NAPG: variants seen among roughly 807,000 people sequenced by gnomAD.
NAPG encodes gamma-soluble NSF attachment protein.
In NAPG, 25 loss-of-function variants were observed where a neutral mutation model predicts 48.4. The ratio of observed to expected loss-of-function variants is 0.52; its 90% confidence interval spans 0.38 to 0.72. The LOEUF (loss-of-function observed/expected upper bound fraction) is 0.72. NAPG is among the 30% of genes least tolerant of loss of function. NAPG has a pLI of 0.00. For missense variants in NAPG, 359 were observed against 372.5 expected, an observed-to-expected ratio of 0.96 and a Z score of 0.30; for synonymous variants, 139 against 127.2, an observed-to-expected ratio of 1.09 and a Z score of -0.62.
chr18:10,536,162 A>G (rs977129645), intron 5 of NAPG, among the ~76,000 whole-genome samples: 1 of 152,230 alleles, frequency 6.6e-6, no homozygotes, highest in Non-Finnish European at 1.5e-5. Context: ...TTGCTCAAGT[A>G]TCTATTTAAT....
At position 10,548,154 on chromosome 18, in the gene NAPG, C is replaced by T. The variant is rs2032306995; in HGVS notation, c.586-145C>T. On this transcript the variant is annotated intron_variant, in intron 9 of 11. Transcript: ENST00000322897. The surrounding 1 kb of genome is among the most constrained non-coding windows in gnomAD (Gnocchi z 4.4). ...CTAGGATATTTCCCCTCAGGTGTCC[C>T]GTGGAAGTTACTATAGCATTTATAA... 7 of 611,440 alleles carry T rather than the reference C, an allele frequency of 1.1e-5. No individual in the cohort carries two copies. The highest frequency in any genetic ancestry group is 2.1e-5 in the South Asian group (1 of 48,638). The allele number at this position is 611,440 out of a possible 1,614,324, so 37.9% of individuals were successfully genotyped here.
intron 2 of NAPG, among the ~76,000 whole-genome samples, 180 bp from the exon 3 acceptor site, chr18:10,532,531 A>G (rs1266010706): frequency 6.6e-6 from 1 of 152,228 alleles, no homozygotes; most frequent in Non-Finnish European, 1.5e-5. Context: ...TAAGTTACCA[A>G]TAATTGGAAA....
chr18:10,540,221 G>A (rs1378822034), intron 7 of NAPG, 108 bp from the exon 8 acceptor site: 32 of 1,093,526 alleles, frequency 2.9e-5, no homozygotes, highest in Non-Finnish European at 3.9e-5. Flanking sequence ...CAGCTTTCGT[G>A]TTCCCCCCTT....
intron 5 of NAPG, among the ~76,000 whole-genome samples, chr18:10,538,356 C>T (rs771519088): frequency 3.3e-5 from 5 of 152,150 alleles, no homozygotes; most frequent in Admixed American, 1.3e-4. Context: ...TGTTGCCATA[C>T]AGGGATGCAA....
Position 10,539,792 on chromosome 18 carries a change from C to T in NAPG, c.289C>T (p.Leu97=), listed in dbSNP as rs1241172209. The part of the protein sequence containing the change: ...EMQKLPEAVQ[L]IEKASMMYLE... Reference sequence around the variant, plus strand: ...GCAGAAACTACCAGAGGCCGTTCAGCTAATTGAGAAGGCCAGCATGATGTA... The same window carrying T: ...GCAGAAACTACCAGAGGCCGTTCAGTTAATTGAGAAGGCCAGCATGATGTA... Residue 97 remains leucine (L), a synonymous_variant, in exon 6 of 12, where the codon CTA becomes TTA. Transcript: ENST00000322897. The surrounding 1 kb of genome is among the most constrained non-coding windows in gnomAD (Gnocchi z 4.7). 1.9e-6 allele frequency: 3 copies of T among 1,613,986 alleles called. No individual in the cohort carries two copies. The highest frequency in any genetic ancestry group is 2.5e-6 in the Non-Finnish European group (3 of 1,179,874).
At chr18:10,545,347 A>G (rs1216596808) in intron 8 of NAPG, among the ~76,000 whole-genome samples, 2 of 152,226 alleles carry the variant, frequency 1.3e-5, no homozygotes, top group Non-Finnish European at 1.5e-5. Flanking sequence ...TAGAGCATAT[A>G]GCATAACAAG....
At chr18:10,526,190 A>C in intron 1 of NAPG, 32 bp downstream of exon 1, 2 of 1,505,682 alleles carry the variant, frequency 1.3e-6, no homozygotes, top group South Asian at 2.2e-5. Context: ...GCCTGTGTGT[A>C]GACGCCGGGT....
chr18:10,531,959 AGT>A (rs2143096621), intron 2 of NAPG, among the ~76,000 whole-genome samples: 1 of 152,336 alleles, frequency 6.6e-6, no homozygotes, highest in South Asian at 2.1e-4. Context: ...GAATAGCTTC[AGT>A]ATTTGGTTTT....
At position 10,532,707 on chromosome 18, in the gene NAPG, TCAGCTG is replaced by T. The variant is rs1598409464; in HGVS notation, c.125-3_127del. On this transcript the variant is annotated splice_acceptor_variant and splice_polypyrimidine_tract_variant and coding_sequence_variant and intron_variant, in exon 3 of 12. Coordinates refer to ENST00000322897, the MANE Select transcript of NAPG (RefSeq NM_003826.3). LOFTEE classifies it high-confidence loss of function. Reference sequence around the variant, plus strand: ...GAAATAGTCAATTTTTTTTTCTATTTCAGCTGTTGCTTTTAAAAATGCCAAACAGTT... The same window carrying T: ...GAAATAGTCAATTTTTTTTTCTATTTTTGCTTTTAAAAATGCCAAACAGTT... 1 of 1,567,588 alleles carries T rather than the reference TCAGCTG, an allele frequency of 6.4e-7. No homozygotes were observed. The highest frequency in any genetic ancestry group is 8.7e-7 in the Non-Finnish European group (1 of 1,155,226).
rs886568288 is a variant in NAPG at position 10,542,697 on chromosome 18, A to G, written c.506+2298A>G. 2.6e-5 allele frequency among the ~76,000 whole-genome samples: 4 copies of G among 152,368 alleles called. No individual in the cohort carries two copies. The highest frequency in any genetic ancestry group is 4.1e-4 in the South Asian group (2 of 4,834). On this transcript the variant is annotated intron_variant, in intron 8 of 11. Coordinates refer to ENST00000322897, the MANE Select transcript of NAPG (RefSeq NM_003826.3). This position sits in a 1 kb window ranked among gnomAD's most constrained non-coding sequence, Gnocchi z 4.5. The stretch of plus-strand genomic sequence containing the variant: ...TTAGTTAGTGCACTTATGTTTTTAC[A>G]TTAACATGAGTCCATAAGATGTCCT...
rs143825296 is a variant in NAPG, at chr18:10,535,755, T to G, written c.258+1259T>G. ...CAGCCTGGGCAACAGAGCGAGACTC[T>G]GTCTCAAAGTAATAATAATAATAGG... On this transcript the variant is annotated intron_variant, in intron 5 of 11. Coordinates refer to ENST00000322897, the MANE Select transcript of NAPG (RefSeq NM_003826.3). 2.6e-5 allele frequency among the ~76,000 whole-genome samples: 4 copies of G among 152,334 alleles called. No individual in the cohort carries two copies. In the East Asian group the frequency reaches 7.7e-4, roughly 29 times the overall value.
At chr18:10,536,760 A>G (rs2032041405) in intron 5 of NAPG, among the ~76,000 whole-genome samples, 1 of 152,114 alleles carries the variant, frequency 6.6e-6, no homozygotes. Context: ...CATGACGAAT[A>G]GTTCCTGTGG....
chr18:10,539,986 AG>A lies in NAPG; in HGVS notation c.369del. 3 of 1,603,746 alleles carry A rather than the reference AG, an allele frequency of 1.9e-6. No individual in the cohort carries two copies. Among genetic ancestry groups the A allele is most frequent in the Non-Finnish European group, 2.6e-6 (3 of 1,174,266 alleles). ...TAAGACATGTTTTCTTGTCTGATTC[AG>A]GCTTATAGAAAATGTTGATCCAGAG... On this transcript the variant is annotated splice_acceptor_variant, in intron 6 of 11. Coordinates refer to ENST00000322897, the MANE Select transcript of NAPG (RefSeq NM_003826.3). LOFTEE classifies it high-confidence loss of function. The surrounding 1 kb of genome is among the most constrained non-coding windows in gnomAD (Gnocchi z 4.7).
At chr18:10,533,281 C>A in intron 3 of NAPG, 1 of 369,836 alleles carries the variant, frequency 2.7e-6, no homozygotes, top group Non-Finnish European at 4.8e-6. Flanking sequence ...CTTTGTACTT[C>A]AGTAAAACTT....
At position 10,550,892 on chromosome 18, in the gene NAPG, A is replaced by G. The variant is rs191305808; in HGVS notation, c.*672A>G. 3.3e-5 allele frequency: 5 copies of G among 152,280 alleles called. No homozygotes were observed. Among genetic ancestry groups the G allele is most frequent in the East Asian group, 1.9e-4 (1 of 5,180 alleles). 9.4% of individuals were successfully genotyped at this position (152,280 alleles called of 1,614,324 possible). ...TCTCTGAAGTGTGGGTATTTCTTCT[A>G]TCTAAAAAATACATACAGTGACTGT... On this transcript the variant is annotated 3_prime_UTR_variant, in exon 12 of 12. Coordinates refer to ENST00000322897, the MANE Select transcript of NAPG (RefSeq NM_003826.3).
In NAPG at chr18:10,548,332, A is replaced by G. The variant is rs1307165775; in HGVS notation, c.619A>G (p.Arg207Gly). ...TIAQVLVHLH[R>G]NDYVAAERCV... Reference sequence around the variant, plus strand: ...TGCTCAAGTCTTAGTTCATCTACACAGAAATGACTATGTAGCTGCAGAAAG... The same window carrying G: ...TGCTCAAGTCTTAGTTCATCTACACGGAAATGACTATGTAGCTGCAGAAAG... The change falls in exon 10 of 12, where the codon AGA (arginine) becomes GGA (glycine). Residue 207 changes from arginine to glycine, a missense_variant. Arg to Gly is a moderately radical substitution (Grantham distance 125). Coordinates refer to ENST00000322897, the MANE Select transcript of NAPG (RefSeq NM_003826.3). The surrounding 1 kb of genome is among the most constrained non-coding windows in gnomAD (Gnocchi z 4.4). The G allele has an allele frequency of 6.2e-7, 1 of 1,613,906 alleles. No homozygotes were observed. The highest frequency in any genetic ancestry group is 1.3e-5 in the African/African-American group (1 of 75,056).
In NAPG at chr18:10,534,206, A is replaced by G. The variant is rs974433669; in HGVS notation, c.228-260A>G. On this transcript the variant is annotated intron_variant, in intron 4 of 11. Transcript: ENST00000322897. The surrounding 1 kb of genome is among the most constrained non-coding windows in gnomAD (Gnocchi z 5.0). Reference sequence around the variant, plus strand: ...AGGTTTGTCAGATGGAAATTAATTTAACCTTACTGAGCCTTACTTAATTTT... The same window carrying G: ...AGGTTTGTCAGATGGAAATTAATTTGACCTTACTGAGCCTTACTTAATTTT... Among the ~76,000 whole-genome samples the G allele has an allele frequency of 1.3e-5, 2 of 152,230 alleles. No homozygotes were observed. Among genetic ancestry groups the G allele is most frequent in the African/African-American group, 4.8e-5 (2 of 41,462 alleles).
chr18:10,549,222 A>C (rs959580981), intron 11 of NAPG, 126 bp downstream of exon 11: 1 of 1,104,774 alleles, frequency 9.1e-7, no homozygotes, highest in Non-Finnish European at 1.3e-6. Flanking sequence ...TCAAGCTACT[A>C]CTCATAAGGA....
chr18:10,548,418 C>T lies in NAPG; in HGVS notation c.665+40C>T, dbSNP rs763995642. The T allele has an allele frequency of 6.7e-7, 1 of 1,483,994 alleles. No homozygotes were observed. The highest frequency in any genetic ancestry group is 1.7e-5 in the Admixed American group (1 of 59,580). 91.9% of individuals were successfully genotyped at this position (1,483,994 alleles called of 1,614,324 possible). On this transcript the variant is annotated intron_variant, in intron 10 of 11. Transcript: ENST00000322897. This position sits in a 1 kb window ranked among gnomAD's most constrained non-coding sequence, Gnocchi z 4.4. ...GGGCCCTCTTGACTTGCAGTGGCGACACCTCTGTGTCTACAACTAAGATTG... is the reference window on the plus strand; with the variant it reads ...GGGCCCTCTTGACTTGCAGTGGCGATACCTCTGTGTCTACAACTAAGATTG...
Sources: allele counts gnomAD v4.1 joint callset (sites outside exome capture counted in the v4.1 genomes callset), GRCh38; gene constraint gnomAD v4.1.1; non-coding constraint Gnocchi (gnomAD v3.1); transcripts MANE v1.5; gene names NCBI Gene and HGNC (gene_info 2026-07-23, HGNC 2026-07-21).